LRRN4CL: variants seen among roughly 807,000 people sequenced by gnomAD.
LRRN4CL encodes the protein LRRN4 C-terminal like.
For missense variants in LRRN4CL, 348 were observed against 336.4 expected (o/e 1.03, Z -0.27); for synonymous variants, 156 against 154.1 (o/e 1.01, Z -0.09).
At position 62,687,495 on chromosome 11, in the gene LRRN4CL, T is replaced by C. The variant is rs1287716788; in HGVS notation, c.*297A>G. 10 of 339,038 alleles carry C rather than the reference T, an allele frequency of 2.9e-5. No individual in the cohort carries two copies. Among genetic ancestry groups the C allele is most frequent in the Non-Finnish European group, 5.3e-5 (10 of 190,358 alleles). The allele number at this position is 339,038 out of a possible 1,614,324, so 21.0% of individuals were successfully genotyped here. The stretch of plus-strand genomic sequence containing the variant: ...AATACCCACATAATAATATCCTCCA[T>C]TTTATCCTCTTAAACCGCAAAGGTT... On this transcript the variant is annotated 3_prime_UTR_variant, in exon 2 of 2. Coordinates refer to ENST00000317449, the MANE Select transcript of LRRN4CL (RefSeq NM_203422.4).
At chr11:62,688,610 T>C (rs1045264446) in intron 1 of LRRN4CL, 97 bp from the exon 2 acceptor site, 2 of 943,134 alleles carry the variant, frequency 2.1e-6, no homozygotes, top group Admixed American at 2.9e-5. Context: ...AAAATGCAAC[T>C]GGGGATCAGA....
Position 62,687,798 on chromosome 11 carries a change from C to T in LRRN4CL, c.711G>A (p.Ala237=). Residue 237 remains alanine, a synonymous_variant, in exon 2 of 2, where the codon GCG becomes GCA. Transcript: ENST00000317449. ...AGATGCCCCCAGGCCCCTTTCAGAG[C>T]GCCCCTGCGGCTCGGGCGGCGGCTC... is the stretch of plus-strand genomic sequence containing the variant. ...PRRAAARAAG[A]L is the part of the protein sequence containing the mutation. 1.4e-6 allele frequency: 2 copies of T among 1,394,220 alleles called. No individual in the cohort carries two copies. Among genetic ancestry groups the T allele is most frequent in the South Asian group, 3.3e-5 (2 of 60,896 alleles). 86.4% of individuals were successfully genotyped at this position (1,394,220 alleles called of 1,614,324 possible). A position where few individuals can be genotyped will look rare whatever the true frequency, so the allele number is the denominator to read the frequency against.
chr11:62,687,914 C>A lies in LRRN4CL; in HGVS notation c.595G>T (p.Ala199Ser). The A allele has an allele frequency of 4.0e-6, 6 of 1,513,144 alleles. No homozygotes were observed. Among genetic ancestry groups the A allele is most frequent in the Non-Finnish European group, 5.3e-6 (6 of 1,133,152 alleles). The allele number at this position is 1,513,144 out of a possible 1,614,324, so 93.7% of individuals were successfully genotyped here. Reference protein sequence around the residue: ...PPNPRTLVHAAVGVGTALALL... With the variant: ...PPNPRTLVHASVGVGTALALL... Reference sequence around the variant, plus strand: ...GCCAGGGCCGTGCCCACCCCGACGGCCGCGTGGACCAGAGTGCGGGGGTTG... The same window carrying A: ...GCCAGGGCCGTGCCCACCCCGACGGACGCGTGGACCAGAGTGCGGGGGTTG... Residue 199 changes from alanine to serine, a missense_variant, in exon 2 of 2, where the codon GCC becomes TCC. Physicochemically the swap from Ala to Ser is moderately conservative, Grantham distance 99. Coordinates refer to ENST00000317449, the MANE Select transcript of LRRN4CL (RefSeq NM_203422.4).
At position 62,688,180 on chromosome 11, in the gene LRRN4CL, G is replaced by C. The variant is rs778553319; in HGVS notation, c.329C>G (p.Pro110Arg). ...AVVHWCAPFS[P>R]VLHYWLLLWD... The stretch of plus-strand genomic sequence containing the variant: ...AAGCAGCAGCCAGTAGTGGAGGACC[G>C]GGGAGAAGGGGGCACACCAGTGGAC... The change falls in exon 2 of 2, where the codon CCG becomes CGG. Residue 110 changes from proline to arginine, a missense_variant. Transcript: ENST00000317449. 1.9e-6 allele frequency: 3 copies of C among 1,612,364 alleles called. No individual in the cohort carries two copies. The East Asian group carries it at 6.7e-5, about 36-fold the overall frequency.
rs555569325 is a variant in LRRN4CL, at chr11:62,688,193, C to T, written c.316G>A (p.Ala106Thr). Residue 106 changes from alanine to threonine, a missense_variant, in exon 2 of 2, where the codon GCC (alanine) becomes ACC (threonine). Coordinates refer to ENST00000317449, the MANE Select transcript of LRRN4CL (RefSeq NM_203422.4). ...TAGTGGAGGACCGGGGAGAAGGGGG[C>T]ACACCAGTGGACCACTGCGCGGCCC... is the stretch of plus-strand genomic sequence containing the variant. ...EEGRAVVHWC[A>T]PFSPVLHYWL... 6.2e-7 allele frequency: 1 copy of T among 1,612,402 alleles called. No homozygotes were observed. Among genetic ancestry groups the T allele is most frequent in the Admixed American group, 1.7e-5 (1 of 59,964 alleles).
rs1945217852 is a variant in LRRN4CL, at chr11:62,687,987, C to G, written c.522G>C (p.Gly174=). ...VPQAGGEGLE[G]ADIPAFGPCS... is the part of the protein sequence containing the mutation. ...AAGGCCCGAAGGCAGGGATGTCGGC[C>G]CCCTCGAGGCCCTCTCCTCCAGCCT... is the stretch of plus-strand genomic sequence containing the variant. Residue 174 remains glycine (G), a synonymous_variant, in exon 2 of 2, where the codon GGG becomes GGC. Coordinates refer to ENST00000317449, the MANE Select transcript of LRRN4CL (RefSeq NM_203422.4). The G allele has an allele frequency of 6.2e-7, 1 of 1,607,994 alleles. No homozygotes were observed. Among genetic ancestry groups the G allele is most frequent in the Non-Finnish European group, 8.5e-7 (1 of 1,177,376 alleles).
At position 62,687,045 on chromosome 11, in the gene LRRN4CL, C is replaced by G. The variant is rs1291188276; in HGVS notation, c.*747G>C. The G allele has an allele frequency of 2.0e-5, 3 of 152,136 alleles. No homozygotes were observed. Among genetic ancestry groups the G allele is most frequent in the Non-Finnish European group, 1.5e-5 (1 of 68,016 alleles). The allele number at this position is 152,136 out of a possible 1,614,324, so 9.4% of individuals were successfully genotyped here. A position where few individuals can be genotyped will look rare whatever the true frequency, so the allele number is the denominator to read the frequency against. ...CTGTAATCCCAGCACTTTGAGAGAC[C>G]AAGGCGGGTGGAGTACCTGAGGTCA... is the stretch of plus-strand genomic sequence containing the variant. On this transcript the variant is annotated 3_prime_UTR_variant, in exon 2 of 2. Transcript: ENST00000317449.
rs1463934767 is a variant in LRRN4CL, at chr11:62,689,465, G to C, written c.-44C>G. 6.6e-6 allele frequency: 1 copy of C among 152,456 alleles called. No homozygotes were observed. Among genetic ancestry groups the C allele is most frequent in the Non-Finnish European group, 1.5e-5 (1 of 68,228 alleles). 9.4% of individuals were successfully genotyped at this position (152,456 alleles called of 1,614,324 possible). ...TTGATGCAGCGGGAATCCACCAGCT[G>C]ACGTCTGTGGGTGTTAGGCTGAGGG... On this transcript the variant is annotated 5_prime_UTR_variant, in exon 1 of 2. Coordinates refer to ENST00000317449, the MANE Select transcript of LRRN4CL (RefSeq NM_203422.4).
At chr11:62,688,964 G>A (rs1945239037) in intron 1 of LRRN4CL, among the ~76,000 whole-genome samples, 1 of 152,158 alleles carries the variant, frequency 6.6e-6, no homozygotes, top group Admixed American at 6.5e-5. Context: ...ATTGCTTGAG[G>A]CCAGGATTCC....
In LRRN4CL at chr11:62,687,454, T is replaced by G; in HGVS notation, c.*338A>C. 4 of 270,342 alleles carry G rather than the reference T, an allele frequency of 1.5e-5. No individual in the cohort carries two copies. Among genetic ancestry groups the G allele is most frequent in the Non-Finnish European group, 2.1e-5 (3 of 145,946 alleles). The allele number at this position is 270,342 out of a possible 1,614,324, so 16.7% of individuals were successfully genotyped here. The stretch of plus-strand genomic sequence containing the variant: ...AGGTCGTTTTTACATTTTTAAATGG[T>G]TACAAAGGTCATATAAATACCCACA... On this transcript the variant is annotated 3_prime_UTR_variant, in exon 2 of 2. Transcript: ENST00000317449.
In LRRN4CL at chr11:62,688,155, A is replaced by G. The variant is rs147827827; in HGVS notation, c.354T>C (p.Leu118=). Residue 118 remains leucine, a synonymous_variant, in exon 2 of 2, where the codon CTT becomes CTC. Transcript: ENST00000317449. ...FSPVLHYWLL[L]WDGSEAAQKG... ...TCTGCGCAGCCTCGCTGCCGTCCCA[A>G]AGCAGCAGCCAGTAGTGGAGGACCG... is the stretch of plus-strand genomic sequence containing the variant. 6.2e-7 allele frequency: 1 copy of G among 1,612,412 alleles called. No homozygotes were observed. The highest frequency in any genetic ancestry group is 1.1e-5 in the South Asian group (1 of 91,068).
chr11:62,687,749 C>T lies in LRRN4CL; in HGVS notation c.*43G>A, dbSNP rs1945213426. The stretch of plus-strand genomic sequence containing the variant: ...CTTTCCCGGGGGCCAGGCTGAGCGC[C>T]CCAGGTGGGGCTGTCTGTGCCCGAG... On this transcript the variant is annotated 3_prime_UTR_variant, in exon 2 of 2. Coordinates refer to ENST00000317449, the MANE Select transcript of LRRN4CL (RefSeq NM_203422.4). 7.4e-7 allele frequency: 1 copy of T among 1,345,978 alleles called. No individual in the cohort carries two copies. Among genetic ancestry groups the T allele is most frequent in the Admixed American group, 3.7e-5 (1 of 26,690 alleles). The allele number at this position is 1,345,978 out of a possible 1,614,324, so 83.4% of individuals were successfully genotyped here.
In LRRN4CL at chr11:62,688,135, G is replaced by A. The variant is rs1442304778; in HGVS notation, c.374C>T (p.Ala125Val). The A allele has an allele frequency of 2.5e-6, 4 of 1,612,348 alleles. No individual in the cohort carries two copies. The highest frequency in any genetic ancestry group is 3.3e-4 in the Middle Eastern group (2 of 6,060). ...AGCGTTCAGCGGGGGCCCCTTCTGC[G>A]CAGCCTCGCTGCCGTCCCAAAGCAG... Reference protein sequence around the residue: ...WLLLWDGSEAAQKGPPLNATV... With the variant: ...WLLLWDGSEAVQKGPPLNATV... Residue 125 changes from alanine to valine, a missense_variant, in exon 2 of 2, where the codon GCG becomes GTG. Coordinates refer to ENST00000317449, the MANE Select transcript of LRRN4CL (RefSeq NM_203422.4).
chr11:62,688,263 C>G lies in LRRN4CL; in HGVS notation c.246G>C (p.Pro82=), dbSNP rs766943738. ...LCPGLSSPAQ[P]PDPPRMGEVR... ...CTTCTCCCATGCGCGGCGGGTCGGG[C>G]GGCTGGGCGGGGCTGGAGAGTCCTG... Residue 82 remains proline (P), a synonymous_variant, in exon 2 of 2, where the codon CCG becomes CCC. Transcript: ENST00000317449. The G allele has an allele frequency of 3.7e-6, 6 of 1,609,442 alleles. No individual in the cohort carries two copies. The highest frequency in any genetic ancestry group is 5.1e-6 in the Non-Finnish European group (6 of 1,178,620).
chr11:62,687,544 T>TAA lies in LRRN4CL; in HGVS notation c.*246_*247dup. 2 of 387,482 alleles carry TAA rather than the reference T, an allele frequency of 5.2e-6. No homozygotes were observed. The highest frequency in any genetic ancestry group is 9.1e-6 in the Non-Finnish European group (2 of 220,514). 24.0% of individuals were successfully genotyped at this position (387,482 alleles called of 1,614,324 possible). A position where few individuals can be genotyped will look rare whatever the true frequency, so the allele number is the denominator to read the frequency against. ...TTACATTATTTATTATCTGGCCGCT[T>TAA]AAAAAAAAATTGGGGGCCCCTTTCT... is the stretch of plus-strand genomic sequence containing the variant. On this transcript the variant is annotated 3_prime_UTR_variant, in exon 2 of 2. Transcript: ENST00000317449.
Position 62,687,588 on chromosome 11 carries a change from G to A in LRRN4CL, c.*204C>T. ...CCTTTCTATTCCTTCCCAGACCTCA[G>A]CCAGGAAACAAAGCGCCAAGTACCG... On this transcript the variant is annotated 3_prime_UTR_variant, in exon 2 of 2. Transcript: ENST00000317449. 1 of 425,664 alleles carries A rather than the reference G, an allele frequency of 2.3e-6. No individual in the cohort carries two copies. Among genetic ancestry groups the A allele is most frequent in the Non-Finnish European group, 4.0e-6 (1 of 250,070 alleles). The allele number at this position is 425,664 out of a possible 1,614,324, so 26.4% of individuals were successfully genotyped here.
Position 62,688,351 on chromosome 11 carries a change from C to T in LRRN4CL, c.158G>A (p.Cys53Tyr), listed in dbSNP as rs1945226538. Reference sequence around the variant, plus strand: ...CTTGCAGGGCACCTGCAGGTGTCGGCAGTGGTCGTAGTCGCAGGGGACAGC... The same window carrying T: ...CTTGCAGGGCACCTGCAGGTGTCGGTAGTGGTCGTAGTCGCAGGGGACAGC... ...LPAVPCDYDH[C>Y]RHLQVPCKEL... The change falls in exon 2 of 2, where the codon TGC (cysteine) becomes TAC (tyrosine). Residue 53 changes from cysteine to tyrosine, a missense_variant. Coordinates refer to ENST00000317449, the MANE Select transcript of LRRN4CL (RefSeq NM_203422.4). 1 of 1,608,518 alleles carries T rather than the reference C, an allele frequency of 6.2e-7. No homozygotes were observed. The highest frequency in any genetic ancestry group is 2.2e-5 in the East Asian group (1 of 44,880).
chr11:62,688,404 C>T lies in LRRN4CL; in HGVS notation c.105G>A (p.Glu35=), dbSNP rs1307551848. The change falls in exon 2 of 2, where the codon GAG becomes GAA. Residue 35 remains glutamate (E), a synonymous_variant. Coordinates refer to ENST00000317449, the MANE Select transcript of LRRN4CL (RefSeq NM_203422.4). Reference sequence around the variant, plus strand: ...GCAAAGGCGGCCACGCCGTCTCAGTCTCATCTGCCTCCTCTTCTTCAAAGT... The same window carrying T: ...GCAAAGGCGGCCACGCCGTCTCAGTTTCATCTGCCTCCTCTTCTTCAAAGT... ...PQDFEEEEAD[E]TETAWPPLPA... 2 of 1,602,610 alleles carry T rather than the reference C, an allele frequency of 1.2e-6. No individual in the cohort carries two copies. The highest frequency in any genetic ancestry group is 2.7e-5 in the African/African-American group (2 of 74,958).
In LRRN4CL at chr11:62,688,392, C is replaced by A. The variant is rs1005091205; in HGVS notation, c.117G>T (p.Ala39=). ...AGGGGACAGCCGGCAAAGGCGGCCA[C>A]GCCGTCTCAGTCTCATCTGCCTCCT... is the stretch of plus-strand genomic sequence containing the variant. ...EEEEADETET[A]WPPLPAVPCD... The change falls in exon 2 of 2, where the codon GCG becomes GCT. Residue 39 remains alanine, a synonymous_variant. Coordinates refer to ENST00000317449, the MANE Select transcript of LRRN4CL (RefSeq NM_203422.4). The A allele has an allele frequency of 1.9e-6, 3 of 1,604,156 alleles. No homozygotes were observed. The African/African-American group carries it at 4.0e-5, about 21-fold the overall frequency.
Sources: gnomAD v4.1 joint callset for allele counts (sites outside exome capture counted in the v4.1 genomes callset) on GRCh38, gnomAD v4.1.1 for gene constraint, MANE v1.5 for transcripts, NCBI Gene and HGNC (gene_info 2026-07-23, HGNC 2026-07-21) for gene names.